Variants in CCDC183 observed in about 807,000 individuals in gnomAD.
CCDC183 encodes coiled-coil domain-containing protein 183.
In CCDC183, 63 loss-of-function variants were observed where a neutral mutation model predicts 65.2. The ratio of observed to expected loss-of-function variants is 0.97; its 90% confidence interval spans 0.79 to 1.19. CCDC183 has a LOEUF of 1.19. Among genes scored for constraint, CCDC183 ranks in the 50% most tolerant of loss-of-function variants. The probability of loss-of-function intolerance (pLI) is 0.00; values close to 1 mark genes in which losing one functional copy is unlikely to be tolerated. For missense variants in CCDC183, 769 were observed against 689.3 expected (o/e 1.12, Z -1.30); for synonymous variants, 323 against 276.5 (o/e 1.17, Z -1.67).
At chr9:136,797,363 C>G (rs1468629102) in intron 1 of CCDC183, among the ~76,000 whole-genome samples, 1 of 151,946 alleles carries the variant, frequency 6.6e-6, no homozygotes, top group Non-Finnish European at 1.5e-5. Context: ...ACTCAGAGAC[C>G]AGGGCTGGTG....
At position 136,802,663 on chromosome 9, in the gene CCDC183, G is replaced by T; in HGVS notation, c.544-1G>T. ...CCACAAGAGAACCCCATTCAACACA[G>T]GTGCTGGCAGGATACCCCATTGAGC... On this transcript the variant is annotated splice_acceptor_variant, in intron 5 of 13. Coordinates refer to ENST00000338005, the MANE Select transcript of CCDC183 (RefSeq NM_001039374.5). LOFTEE classifies it high-confidence loss of function. The T allele has an allele frequency of 6.2e-7, 1 of 1,609,796 alleles. No homozygotes were observed. Among genetic ancestry groups the T allele is most frequent in the Non-Finnish European group, 8.5e-7 (1 of 1,178,192 alleles).
chr9:136,804,301 T>C lies in CCDC183; in HGVS notation c.667-201T>C, dbSNP rs1564350923. ...GCAGCAGAGCGTCTGGGCTGGCACA[T>C]GCTCTGAGGCATGGGCAAGGAGGGC... On this transcript the variant is annotated intron_variant, in intron 6 of 13. Coordinates refer to ENST00000338005, the MANE Select transcript of CCDC183 (RefSeq NM_001039374.5). The surrounding 1 kb of genome is among the most constrained non-coding windows in gnomAD (Gnocchi z 4.1). 2 of 657,100 alleles carry C rather than the reference T, an allele frequency of 3.0e-6. No individual in the cohort carries two copies. The highest frequency in any genetic ancestry group is 1.9e-5 in the South Asian group (1 of 51,620). The allele number at this position is 657,100 out of a possible 1,614,324, so 40.7% of individuals were successfully genotyped here.
intron 5 of CCDC183, 33 bp downstream of exon 5, chr9:136,800,526 A>AG: frequency 1.1e-6 from 1 of 913,794 alleles, no homozygotes; most frequent in Non-Finnish European, 1.6e-6. Flanking sequence ...GGCGGGGGTC[A>AG]GGGGCTGGGA....
chr9:136,805,652 T>C (rs945388), intron 9 of CCDC183, 195 bp downstream of exon 9: 478,286 of 582,002 alleles, frequency 0.82, 197,518 homozygotes, highest in African/African-American at 0.96. Flanking sequence ...ATCCCATCTG[T>C]GTATCTGCGT....
At chr9:136,807,163 G>C (rs1847874474) in intron 13 of CCDC183, 97 bp downstream of exon 13, 1 of 1,098,700 alleles carries the variant, frequency 9.1e-7, no homozygotes, top group Non-Finnish European at 1.4e-6. Flanking sequence ...ATCCTGGAGG[G>C]ACAGCGGGGC....
chr9:136,806,121 A>G lies in CCDC183; in HGVS notation c.992A>G (p.Asn331Ser). The change falls in exon 10 of 14, where the codon AAC becomes AGC. Residue 331 changes from asparagine to serine, a missense_variant. By Grantham distance (46) the Asn-to-Ser change is conservative (BLOSUM62 1). Coordinates refer to ENST00000338005, the MANE Select transcript of CCDC183 (RefSeq NM_001039374.5). ...RFLAQRNTEE[N>S]LELQMEDCEE... ...CTGGCCCAGAGGAACACGGAGGAGAACCTGGAGCTGCAGATGGAGGACTGT... is the reference window on the plus strand; with the variant it reads ...CTGGCCCAGAGGAACACGGAGGAGAGCCTGGAGCTGCAGATGGAGGACTGT... 6.4e-7 allele frequency: 1 copy of G among 1,555,544 alleles called. No individual in the cohort carries two copies. Among genetic ancestry groups the G allele is most frequent in the Non-Finnish European group, 8.7e-7 (1 of 1,149,402 alleles).
Position 136,803,215 on chromosome 9 carries a change from G to C in CCDC183, c.666+429G>C, listed in dbSNP as rs1250334585. On this transcript the variant is annotated intron_variant, in intron 6 of 13. Transcript: ENST00000338005. Reference sequence around the variant, plus strand: ...CAAGGTGAGCTCAGGGCCCAGGGCTGGGGGCCCCCCAGGGCCAGCCCTCTT... The same window carrying C: ...CAAGGTGAGCTCAGGGCCCAGGGCTCGGGGCCCCCCAGGGCCAGCCCTCTT... Among the ~76,000 whole-genome samples the C allele has an allele frequency of 8.2e-3, 168 of 20,440 alleles. 28 individuals are homozygous for C. The highest frequency in any genetic ancestry group is 0.024 in the Admixed American group (40 of 1,662). The allele number at this position is 20,440 out of a possible 152,430, so 13.4% of individuals were successfully genotyped here.
At position 136,799,169 on chromosome 9, in the gene CCDC183, C is replaced by T. The variant is rs1847698426; in HGVS notation, c.138C>T (p.Ala46=). 2.5e-6 allele frequency: 4 copies of T among 1,612,618 alleles called. No individual in the cohort carries two copies. Among genetic ancestry groups the T allele is most frequent in the Non-Finnish European group, 2.5e-6 (3 of 1,179,688 alleles). The change falls in exon 2 of 14, where the codon GCC becomes GCT. Residue 46 remains alanine, a synonymous_variant. Transcript: ENST00000338005. ...TGGACCAGAACAAGGCCACGCTGGC[C>T]CTCCTGCGCAGCAACATCCGCCGCG... ...ENMDQNKATL[A]LLRSNIRRGA... is the part of the protein sequence containing the mutation.
chr9:136,806,844 C>A lies in CCDC183; in HGVS notation c.1366C>A (p.Gln456Lys). The A allele has an allele frequency of 2.5e-6, 4 of 1,613,560 alleles. No homozygotes were observed. The highest frequency in any genetic ancestry group is 2.5e-6 in the Non-Finnish European group (3 of 1,180,012). ...GKLTYLADRV[Q>K]MVSRTEEGDT... ...GCTCACGTACCTGGCTGACAGAGTG[C>A]AGATGGTGTCCAGGACCGAGGAGGT... Residue 456 changes from glutamine to lysine, a missense_variant, in exon 12 of 14, where the codon CAG becomes AAG. By Grantham distance (53) the Gln-to-Lys change is moderately conservative. Transcript: ENST00000338005.
chr9:136,798,658 A>T (rs1167832119), intron 1 of CCDC183, among the ~76,000 whole-genome samples: 1 of 152,106 alleles, frequency 6.6e-6, no homozygotes, highest in Non-Finnish European at 1.5e-5. Context: ...AGACCCCCCT[A>T]CTGCCCACTC....
intron 12 of CCDC183, 44 bp downstream of exon 12, chr9:136,806,911 A>G: frequency 6.2e-7 from 1 of 1,613,388 alleles, no homozygotes; most frequent in East Asian, 2.2e-5. Flanking sequence ...ACGTCCCCTC[A>G]AAGCTGACAG....
rs145489052 is a variant in CCDC183, at chr9:136,805,404, G to A, written c.895G>A (p.Val299Met). Residue 299 changes from valine to methionine, a missense_variant, in exon 9 of 14, where the codon GTG becomes ATG. Physicochemically the swap from Val to Met is conservative, Grantham distance 21. Transcript: ENST00000338005. ...STAEMEYQSG[V>M]TAVVEKVKSA... ...AGCAGAAATGGAATACCAGTCGGGC[G>A]TGACTGCTGTGGTGGAGAAGGTCAA... 4.6e-5 allele frequency: 74 copies of A among 1,614,026 alleles called. No individual in the cohort carries two copies. The East Asian group carries it at 9.8e-4, about 21-fold the overall frequency.
At chr9:136,806,017 G>A in intron 9 of CCDC183, 61 bp from the exon 10 acceptor site, 1 of 1,404,550 alleles carries the variant, frequency 7.1e-7, no homozygotes, top group South Asian at 1.3e-5. Context: ...CCAGTTCTGT[G>A]AAGCCCCCTC....
intron 1 of CCDC183, among the ~76,000 whole-genome samples, chr9:136,797,102 G>A (rs1417807050): frequency 2.0e-5 from 3 of 152,156 alleles, no homozygotes; most frequent in Non-Finnish European, 4.4e-5. Flanking sequence ...GGAGAAAACC[G>A]CTCTGTGGCT....
chr9:136,799,699 C>T lies in CCDC183; in HGVS notation c.193-14C>T, dbSNP rs2131128462. 6.2e-7 allele frequency: 1 copy of T among 1,611,726 alleles called. No individual in the cohort carries two copies. The highest frequency in any genetic ancestry group is 8.5e-7 in the Non-Finnish European group (1 of 1,179,426). On this transcript the variant is annotated splice_polypyrimidine_tract_variant and intron_variant, in intron 2 of 13. Coordinates refer to ENST00000338005, the MANE Select transcript of CCDC183 (RefSeq NM_001039374.5). ...CAAAGGGCCCGCTCTAGCTCAGCCG[C>T]CGCCGCTCCGCAGTATGACCAGTGG...
rs150880294 is a variant in CCDC183 at position 136,807,004 on chromosome 9, C to T, written c.1424C>T (p.Ser475Leu). 7.3e-4 allele frequency: 1,174 copies of T among 1,613,630 alleles called. 11 individuals carry two copies. The African/African-American group carries it at 0.014, about 19-fold the overall frequency. The change falls in exon 13 of 14, where the codon TCG becomes TTG. Residue 475 changes from serine to leucine, a missense_variant. By Grantham distance (145) the Ser-to-Leu change is moderately radical. Coordinates refer to ENST00000338005, the MANE Select transcript of CCDC183 (RefSeq NM_001039374.5). ...DTKVRDTLES[S>L]TLMEKYNTRI... ...AAGGTGAGGGACACCCTGGAGTCCT[C>T]GACTCTGATGGAGAAGTACAACACC...
chr9:136,804,796 T>A lies in CCDC183; in HGVS notation c.827T>A (p.Met276Lys). Reference sequence around the variant, plus strand: ...GACTTGGACTTCCCCTCGAACCTGATGAGCACGGAGACCCTGAAATGTAAG... The same window carrying A: ...GACTTGGACTTCCCCTCGAACCTGAAGAGCACGGAGACCCTGAAATGTAAG... Reference protein sequence around the residue: ...QMDLDFPSNLMSTETLKLRRK... With the variant: ...QMDLDFPSNLKSTETLKLRRK... The change falls in exon 8 of 14, where the codon ATG becomes AAG. Residue 276 changes from methionine (M) to lysine (K), a missense_variant. Coordinates refer to ENST00000338005, the MANE Select transcript of CCDC183 (RefSeq NM_001039374.5). This position sits in a 1 kb window ranked among gnomAD's most constrained non-coding sequence, Gnocchi z 4.1. 1 of 1,613,748 alleles carries A rather than the reference T, an allele frequency of 6.2e-7. No homozygotes were observed. Among genetic ancestry groups the A allele is most frequent in the Non-Finnish European group, 8.5e-7 (1 of 1,179,934 alleles).
chr9:136,804,682 A>T lies in CCDC183; in HGVS notation c.792+55A>T. The T allele has an allele frequency of 6.2e-7, 1 of 1,612,834 alleles. No homozygotes were observed. Among genetic ancestry groups the T allele is most frequent in the Non-Finnish European group, 8.5e-7 (1 of 1,179,346 alleles). On this transcript the variant is annotated intron_variant, in intron 7 of 13. Coordinates refer to ENST00000338005, the MANE Select transcript of CCDC183 (RefSeq NM_001039374.5). The surrounding 1 kb of genome is among the most constrained non-coding windows in gnomAD (Gnocchi z 4.1). ...GCCCATCCCCATGACAGCTGGGTGG[A>T]CACAGGCTCAGGGCCACCACTCAGG...
At chr9:136,800,814 A>T (rs916191685) in intron 5 of CCDC183, 4 of 290,948 alleles carry the variant, frequency 1.4e-5, no homozygotes, top group African/African-American at 9.1e-5. Context: ...ACCCTCAGAA[A>T]GTCCTTGCAC....
Sources: allele counts gnomAD v4.1 joint callset (sites outside exome capture counted in the v4.1 genomes callset), GRCh38; gene constraint gnomAD v4.1.1; non-coding constraint Gnocchi (gnomAD v3.1); transcripts MANE v1.5; gene names NCBI Gene and HGNC (gene_info 2026-07-23, HGNC 2026-07-21).